KSR1: variants seen among roughly 807,000 people sequenced by gnomAD.
KSR1 encodes kinase suppressor of ras.
KSR1 carries 35 observed loss-of-function variants against 92.9 expected under a neutral mutation model. The observed-to-expected ratio is 0.38, with a 90% CI of 0.29 to 0.50. KSR1 has a LOEUF of 0.50. Ranked by LOEUF, KSR1 falls within the 20% of genes least tolerant of loss-of-function variation. The pLI is 0.94. For synonymous variants in KSR1, 467 were observed against 472.6 expected, an observed-to-expected ratio of 0.99 and a Z score of 0.15; for missense variants, 972 against 1,158.5, an observed-to-expected ratio of 0.84 and a Z score of 2.34.
chr17:27,579,617 C>T (rs1453075649), intron 3 of KSR1: 1 of 152,150 alleles, frequency 6.6e-6, no homozygotes, highest in African/African-American at 2.4e-5. Flanking sequence ...TGGCCCAGGC[C>T]TGTAATCCCA....
chr17:27,545,789 G>A (rs527481778), intron 1 of KSR1, among the ~76,000 whole-genome samples: 117 of 152,346 alleles, frequency 7.7e-4, no homozygotes, highest in African/African-American at 2.4e-3. Context: ...GCAGGGGACC[G>A]AGTGCCTCAA....
At position 27,597,324 on chromosome 17, in the gene KSR1, C is replaced by T. The variant is rs1252697411; in HGVS notation, c.1356C>T (p.Thr452=). The T allele has an allele frequency of 6.2e-7, 1 of 1,610,626 alleles. No individual in the cohort carries two copies. The highest frequency in any genetic ancestry group is 1.7e-5 in the Admixed American group (1 of 59,452). The change falls in exon 10 of 21, where the codon ACC becomes ACT. Residue 452 remains threonine, a synonymous_variant. Coordinates refer to ENST00000644974, the MANE Select transcript of KSR1 (RefSeq NM_001394583.1). ...LDSSSNPSST[T]SSTPSSPAPF... ...CCAGCAGCAACCCTTCCTCCACCAC[C>T]TCCTCCACACCCTCCTCACCGGCGC...
chr17:27,585,090 C>T (rs1174909756), intron 4 of KSR1, among the ~76,000 whole-genome samples: 2 of 152,202 alleles, frequency 1.3e-5, no homozygotes, highest in Non-Finnish European at 1.5e-5. Context: ...GCATGTGCCA[C>T]CACACCTGGC....
Position 27,582,657 on chromosome 17 carries a change from A to G in KSR1, c.532A>G (p.Lys178Glu), listed in dbSNP as rs750611549. The change falls in exon 4 of 21, where the codon AAG becomes GAG. Residue 178 changes from lysine (K) to glutamate (E), a missense_variant. Lys to Glu is a moderately conservative substitution (Grantham distance 56, BLOSUM62 1). Around this residue, in one of 5 missense-constraint regions of KSR1, gnomAD observed 611 missense variants for 668.0 expected, o/e 0.91. Transcript: ENST00000644974. ...GTCTTGGTCCACAGGAGGGGAGCAC[A>G]AGGAGGACTCCAGTTGGAGTTCATT... ...RKVTGLGGEH[K>E]EDSSWSSLDA... is the part of the protein sequence containing the mutation. 1 of 1,609,144 alleles carries G rather than the reference A, an allele frequency of 6.2e-7. No homozygotes were observed. The highest frequency in any genetic ancestry group is 8.5e-7 in the Non-Finnish European group (1 of 1,176,614).
intron 1 of KSR1, among the ~76,000 whole-genome samples, chr17:27,516,060 AT>A (rs1319586586): frequency 2.0e-5 from 3 of 152,142 alleles, no homozygotes; most frequent in Admixed American, 2.0e-4. Context: ...CCCCCATTTT[AT>A]AAGCACAACC....
intron 12 of KSR1, among the ~76,000 whole-genome samples, chr17:27,604,217 C>A (rs2073670269): frequency 6.6e-6 from 1 of 152,220 alleles, no homozygotes; most frequent in Non-Finnish European, 1.5e-5. Context: ...GAGCACTTGA[C>A]TCACATTCCC....
chr17:27,476,706 TGAG>T (rs2068358259), intron 1 of KSR1, among the ~76,000 whole-genome samples: 1 of 152,154 alleles, frequency 6.6e-6, no homozygotes, highest in African/African-American at 2.4e-5. Flanking sequence ...GCTGTTTGGA[TGAG>T]GGTGGTGGCG....
At chr17:27,482,377 C>A (rs2068537973) in intron 1 of KSR1, among the ~76,000 whole-genome samples, 1 of 152,170 alleles carries the variant, frequency 6.6e-6, no homozygotes, top group Non-Finnish European at 1.5e-5. Context: ...AGATAGTGAG[C>A]CTGAATGTGT....
At chr17:27,603,760 G>A (rs1034573330) in intron 11 of KSR1, 74 bp from the exon 12 acceptor site, 7 of 1,485,906 alleles carry the variant, frequency 4.7e-6, no homozygotes, top group Non-Finnish European at 6.6e-6. Flanking sequence ...GGGGGTGCTG[G>A]GTTTCAAGCA....
At position 27,623,470 on chromosome 17, in the gene KSR1, A is replaced by C. The variant is rs1400269849; in HGVS notation, c.*78A>C. The C allele has an allele frequency of 2.8e-6, 2 of 707,084 alleles. No individual in the cohort carries two copies. The highest frequency in any genetic ancestry group is 5.3e-5 in the East Asian group (2 of 37,990). The allele number at this position is 707,084 out of a possible 1,614,324, so 43.8% of individuals were successfully genotyped here. A position where few individuals can be genotyped will look rare whatever the true frequency, so the allele number is the denominator to read the frequency against. On this transcript the variant is annotated 3_prime_UTR_variant, in exon 21 of 21. Coordinates refer to ENST00000644974, the MANE Select transcript of KSR1 (RefSeq NM_001394583.1). ...GAAACATCCCAACAACCACCACGAC[A>C]AAAAAACACTGCCTGCCCAGCGCTG...
intron 1 of KSR1, among the ~76,000 whole-genome samples, chr17:27,488,856 C>T (rs1044040556): frequency 1.1e-4 from 16 of 152,154 alleles, no homozygotes; most frequent in African/African-American, 3.4e-4. Context: ...CCCAGCTACT[C>T]GGGAGGCTGA....
chr17:27,460,495 G>A, intron 1 of KSR1, among the ~76,000 whole-genome samples: 1 of 152,212 alleles, frequency 6.6e-6, no homozygotes, highest in East Asian at 1.9e-4. Context: ...AGGCTTTGCT[G>A]GGGGAGGTGA....
intron 2 of KSR1, among the ~76,000 whole-genome samples, chr17:27,561,005 G>T (rs1403053596): frequency 1.4e-4 from 21 of 152,228 alleles, no homozygotes; most frequent in Non-Finnish European, 1.5e-5. Flanking sequence ...GCAAGTGGTG[G>T]ACTGGCATGC....
intron 1 of KSR1, among the ~76,000 whole-genome samples, chr17:27,498,867 G>A (rs1297443814): frequency 2.6e-5 from 4 of 152,172 alleles, no homozygotes; most frequent in Non-Finnish European, 2.9e-5. Flanking sequence ...AAACTTTAAC[G>A]AACATGTGGG....
At chr17:27,594,910 A>G (rs1227494402) in intron 9 of KSR1, among the ~76,000 whole-genome samples, 2 of 151,992 alleles carry the variant, frequency 1.3e-5, no homozygotes, top group African/African-American at 4.8e-5. Context: ...TTACCCCCAT[A>G]CTATACAGTG....
In KSR1 at chr17:27,605,632, G is replaced by A. The variant is rs2073726231; in HGVS notation, c.1813G>A (p.Val605Met). The change falls in exon 14 of 21, where the codon GTG becomes ATG. Residue 605 changes from valine to methionine, a missense_variant. Coordinates refer to ENST00000644974, the MANE Select transcript of KSR1 (RefSeq NM_001394583.1). ...EPIGQGRWGR[V>M]HRGRWHGEVA... ...CATCGGGCAGGGCCGCTGGGGCCGGGTGCACCGCGGCCGCTGGCATGGCGA... is the reference window on the plus strand; with the variant it reads ...CATCGGGCAGGGCCGCTGGGGCCGGATGCACCGCGGCCGCTGGCATGGCGA... 1 of 1,609,740 alleles carries A rather than the reference G, an allele frequency of 6.2e-7. No homozygotes were observed.
Position 27,588,481 on chromosome 17 carries a change from C to T in KSR1, c.992C>T (p.Ser331Leu), listed in dbSNP as rs753550032. The T allele has an allele frequency of 1.3e-6, 2 of 1,583,240 alleles. No homozygotes were observed. Among genetic ancestry groups the T allele is most frequent in the South Asian group, 1.2e-5 (1 of 84,860 alleles). ...CCGGCCTCTTTCCCTGCAGATCTCT[C>T]GCATGGATCCCCACAGATGGTACGG... is the stretch of plus-strand genomic sequence containing the variant. Reference protein sequence around the residue: ...DDVSSMRFDLSHGSPQMVRRD... With the variant: ...DDVSSMRFDLLHGSPQMVRRD... Residue 331 changes from serine to leucine, a missense_variant, in exon 6 of 21, where the codon TCG (serine) becomes TTG (leucine). Physicochemically the swap from Ser to Leu is moderately radical, Grantham distance 145. Around this residue, in one of 5 missense-constraint regions of KSR1, gnomAD observed 611 missense variants for 668.0 expected, o/e 0.91. Transcript: ENST00000644974.
chr17:27,512,474 G>A lies in KSR1; in HGVS notation c.232-38094G>A, dbSNP rs577386839. Reference sequence around the variant, plus strand: ...GCAGTGGCTTACGCCTGTAATCCCAGCACTTTGGGAGGCCGAGGCAGGTGG... The same window carrying A: ...GCAGTGGCTTACGCCTGTAATCCCAACACTTTGGGAGGCCGAGGCAGGTGG... On this transcript the variant is annotated intron_variant, in intron 1 of 20. Transcript: ENST00000644974. Among the ~76,000 whole-genome samples, 8 of 152,326 alleles carry A rather than the reference G, an allele frequency of 5.3e-5. No individual in the cohort carries two copies. In the South Asian group the frequency reaches 1.7e-3, roughly 32 times the overall value.
chr17:27,534,565 C>T (rs2070688709), intron 1 of KSR1, among the ~76,000 whole-genome samples: 1 of 152,226 alleles, frequency 6.6e-6, no homozygotes, highest in Non-Finnish European at 1.5e-5. Context: ...GAACCCGGGT[C>T]TGTTGGCCTC....
Sources: allele counts gnomAD v4.1 joint callset (sites outside exome capture counted in the v4.1 genomes callset), GRCh38; gene constraint gnomAD v4.1.1; regional missense constraint gnomAD v4.1.1; transcripts MANE v1.5; gene names NCBI Gene and HGNC (gene_info 2026-07-23, HGNC 2026-07-21).